ADGB: variants seen among roughly 807,000 people sequenced by gnomAD.
The protein encoded by ADGB is androglobin.
ADGB carries 172 observed loss-of-function variants against 210.5 expected under a neutral mutation model. The ratio of observed to expected loss-of-function variants is 0.82; its 90% CI spans 0.72 to 0.93. The LOEUF (loss-of-function observed/expected upper bound fraction) is 0.93. ADGB is among the 40% of genes least tolerant of loss of function. The pLI, the probability that ADGB is intolerant of heterozygous loss-of-function variation, is 0.00. For synonymous variants in ADGB, 658 were observed against 662.7 expected, an observed-to-expected ratio of 0.99 and a Z score of 0.11; for missense variants, 2,025 against 1,964.8, an observed-to-expected ratio of 1.03 and a Z score of -0.58.
At chr6:146,610,968 CTGGCAGTAGGG>C (rs1395374953) in intron 1 of ADGB, among the ~76,000 whole-genome samples, 1 of 152,034 alleles carries the variant, frequency 6.6e-6, no homozygotes, top group Admixed American at 6.5e-5. Context: ...TCATGCAGTG[CTGGCAGTAGGG>C]TGGCAGTGTG....
At chr6:146,646,511 A>G (rs1162267858) in intron 3 of ADGB, among the ~76,000 whole-genome samples, 2 of 152,138 alleles carry the variant, frequency 1.3e-5, no homozygotes, top group African/African-American at 2.4e-5. Flanking sequence ...GTGTTGAGCT[A>G]TCAGCTGTTT....
chr6:146,734,130 A>C lies in ADGB; in HGVS notation c.2794+100A>C, dbSNP rs1299207852. The C allele has an allele frequency of 1.1e-5, 13 of 1,143,226 alleles. No homozygotes were observed. The East Asian group carries it at 3.4e-4, about 30-fold the overall frequency. The allele number at this position is 1,143,226 out of a possible 1,614,324, so 70.8% of individuals were successfully genotyped here. A position where few individuals can be genotyped will look rare whatever the true frequency, so the allele number is the denominator to read the frequency against. On this transcript the variant is annotated intron_variant, in intron 22 of 35. Transcript: ENST00000397944. ...TTTTGGAGTCCCCCACTTTATGGCT[A>C]ATTAATTTCAGTCCTCTAAATAATG... is the stretch of plus-strand genomic sequence containing the variant.
chr6:146,672,178 A>C, intron 7 of ADGB, 42 bp from the exon 8 acceptor site: 1 of 1,455,494 alleles, frequency 6.9e-7, no homozygotes, highest in Middle Eastern at 1.8e-4. Flanking sequence ...AGGAAAAAAA[A>C]AAACATCGTT....
intron 13 of ADGB, among the ~76,000 whole-genome samples, chr6:146,701,967 T>C (rs1243344602): frequency 6.6e-6 from 1 of 151,956 alleles, no homozygotes; most frequent in African/African-American, 2.4e-5. Flanking sequence ...ATATAAAATA[T>C]TGTGACATTT....
rs1308988472 is a variant in ADGB at position 146,717,037 on chromosome 6, G to A, written c.1896G>A (p.Trp632Ter). The change falls in exon 15 of 36, where the codon TGG becomes TGA. Residue 632 changes from tryptophan to a stop codon, truncating the protein, a stop_gained. Transcript: ENST00000397944. LOFTEE classifies it high-confidence loss of function. Reference protein sequence around the residue: ...TTNNSVSKEIWLDFEDFCVCF... With the variant: ...TTNNSVSKEI ...ATAATAGTGTTTCTAAAGAAATATG[G>A]TTAGATTTTGAAGATTTCTGTGTAT... 2.6e-6 allele frequency: 4 copies of A among 1,551,334 alleles called. No individual in the cohort carries two copies. The African/African-American group carries it at 5.5e-5, about 21-fold the overall frequency.
At chr6:146,776,080 T>C (rs1224150113) in intron 29 of ADGB, among the ~76,000 whole-genome samples, 1 of 152,124 alleles carries the variant, frequency 6.6e-6, no homozygotes, top group Non-Finnish European at 1.5e-5. Context: ...TGGAGGATAT[T>C]GTAAGAGGAG....
At chr6:146,637,892 A>C (rs969817173) in intron 2 of ADGB, among the ~76,000 whole-genome samples, 2 of 152,026 alleles carry the variant, frequency 1.3e-5, no homozygotes, top group Non-Finnish European at 2.9e-5. Context: ...ATTCCATGAG[A>C]ACATCATCAT....
At chr6:146,742,350 TAA>T (rs1777173598) in intron 25 of ADGB, among the ~76,000 whole-genome samples, 1 of 151,858 alleles carries the variant, frequency 6.6e-6, no homozygotes, top group African/African-American at 2.4e-5. Flanking sequence ...TCATTTTTAA[TAA>T]GACAGATTTT....
intron 3 of ADGB, among the ~76,000 whole-genome samples, chr6:146,646,599 C>A (rs1313584452): frequency 6.6e-6 from 1 of 152,046 alleles, no homozygotes; most frequent in African/African-American, 2.4e-5. Context: ...GAAAAGAAAC[C>A]TTTCAGTGGG....
chr6:146,785,771 T>A, intron 32 of ADGB, 59 bp downstream of exon 32: 1 of 1,220,828 alleles, frequency 8.2e-7, no homozygotes, highest in Non-Finnish European at 1.2e-6. Context: ...TTGCACTTCT[T>A]AAAAAAATAA....
intron 2 of ADGB, among the ~76,000 whole-genome samples, chr6:146,642,975 G>T (rs982520807): frequency 6.6e-6 from 1 of 151,780 alleles, no homozygotes; most frequent in Non-Finnish European, 1.5e-5. Context: ...GACTGAAAAC[G>T]AAGAGGAGAA....
chr6:146,676,679 G>A (rs1776089633), intron 9 of ADGB, among the ~76,000 whole-genome samples: 1 of 152,196 alleles, frequency 6.6e-6, no homozygotes, highest in South Asian at 2.1e-4. Flanking sequence ...ACATGTGGGA[G>A]AGGCTTCTGC....
Position 146,635,411 on chromosome 6 carries a change from T to C in ADGB, c.111T>C (p.Ser37=), listed in dbSNP as rs1291757773. 6.5e-7 allele frequency: 1 copy of C among 1,547,130 alleles called. No individual in the cohort carries two copies. The change falls in exon 2 of 36, where the codon TCT becomes TCC. Residue 37 remains serine (S), a synonymous_variant. Transcript: ENST00000397944. ...TTGGCAGTAATGTACAATCTGGTTCTACTGAACAAAAGAAGGGGAAATTCC... is the reference window on the plus strand; with the variant it reads ...TTGGCAGTAATGTACAATCTGGTTCCACTGAACAAAAGAAGGGGAAATTCC... The part of the protein sequence containing the change: ...YPFGSNVQSG[S]TEQKKGKFPL...
At chr6:146,675,764 T>C (rs1443698212) in intron 8 of ADGB, among the ~76,000 whole-genome samples, 3 of 152,160 alleles carry the variant, frequency 2.0e-5, no homozygotes, top group Non-Finnish European at 4.4e-5. Context: ...AGCATTCAAA[T>C]GGTGGGAATC....
At chr6:146,784,502 T>C in intron 30 of ADGB, 116 bp from the exon 31 acceptor site, 1 of 842,470 alleles carries the variant, frequency 1.2e-6, no homozygotes, top group Non-Finnish European at 1.7e-6. Flanking sequence ...TGTGAATATA[T>C]GTTTTCATTT....
intron 19 of ADGB, 71 bp from the exon 20 acceptor site, chr6:146,728,503 G>A: frequency 7.3e-7 from 1 of 1,364,102 alleles, no homozygotes; most frequent in Non-Finnish European, 9.9e-7. Context: ...TATTTTAACA[G>A]ATATTAATTT....
intron 5 of ADGB, among the ~76,000 whole-genome samples, 182 bp downstream of exon 5, chr6:146,657,162 TA>T (rs1347172623): frequency 6.6e-6 from 1 of 151,876 alleles, no homozygotes; most frequent in Non-Finnish European, 1.5e-5. Flanking sequence ...CTGTTGCTAC[TA>T]AAAAGACAAA....
At chr6:146,742,731 A>G (rs1246155866) in intron 25 of ADGB, among the ~76,000 whole-genome samples, 2 of 152,176 alleles carry the variant, frequency 1.3e-5, no homozygotes, top group African/African-American at 2.4e-5. Context: ...CTTTTATACT[A>G]TATTTATTCT....
intron 35 of ADGB, among the ~76,000 whole-genome samples, chr6:146,813,410 C>G (rs1778332158): frequency 6.6e-6 from 1 of 151,930 alleles, no homozygotes; most frequent in African/African-American, 2.4e-5. Flanking sequence ...CTGAGATAAT[C>G]CTGCTGGTTG....
Sources: allele counts gnomAD v4.1 joint callset (sites outside exome capture counted in the v4.1 genomes callset), GRCh38; gene constraint gnomAD v4.1.1; transcripts MANE v1.5; gene names NCBI Gene and HGNC (gene_info 2026-07-23, HGNC 2026-07-21).